LRRC37A: variants seen among roughly 807,000 people sequenced by gnomAD.
LRRC37A encodes the protein leucine rich repeat containing 37A.
LRRC37A carries 3 observed loss-of-function variants against 35.4 expected under a neutral mutation model. The ratio of observed to expected loss-of-function variants is 0.08; its 90% confidence interval spans 0.04 to 0.22. The LOEUF (loss-of-function observed/expected upper bound fraction) is 0.22. Ranked by LOEUF, LRRC37A falls within the 10% of genes least tolerant of loss-of-function variation. The pLI is 1.00. For synonymous variants in LRRC37A, 23 were observed against 215.0 expected (o/e 0.11, Z 7.81); for missense variants, 67 against 565.3 (o/e 0.12, Z 8.94).
chr17:46,286,965 C>A, the LRRC37A span, among the ~76,000 whole-genome samples: 4 of 152,244 alleles, frequency 2.6e-5, no homozygotes, highest in Admixed American at 6.5e-5. Flanking sequence ...CAATATAGAA[C>A]CTAGAAGTAT....
the LRRC37A span, among the ~76,000 whole-genome samples, chr17:46,249,240 A>G: frequency 6.6e-6 from 1 of 152,200 alleles, no homozygotes; most frequent in African/African-American, 2.4e-5. Context: ...CTAAAAATAC[A>G]CAAATTAGCC....
upstream of LRRC37A, among the ~76,000 whole-genome samples, chr17:46,287,774 T>C (rs2049958732): frequency 1.3e-5 from 2 of 152,212 alleles, no homozygotes; most frequent in Non-Finnish European, 2.9e-5. Flanking sequence ...ATCCAGAATC[T>C]GTCTACACTG....
At chr17:46,267,039 T>G in the LRRC37A span, 2 of 227,156 alleles carry the variant, frequency 8.8e-6, no homozygotes, top group Non-Finnish European at 1.6e-5. Flanking sequence ...CGCCTCAGCT[T>G]CAGATTCGGC....
In LRRC37A at chr17:46,314,848, T is replaced by A. The variant is rs1189314188; in HGVS notation, c.2907-7474T>A. Reference sequence around the variant, plus strand: ...TTTGGATACCAGGTTAATATCACCCTCATAGAATAAGTTAGGAAATGTTCT... The same window carrying A: ...TTTGGATACCAGGTTAATATCACCCACATAGAATAAGTTAGGAAATGTTCT... On this transcript the variant is annotated intron_variant, in intron 5 of 13. Coordinates refer to ENST00000320254, the Ensembl canonical transcript of LRRC37A. 2.2e-4 allele frequency among the ~76,000 whole-genome samples: 18 copies of A among 81,978 alleles called. 6 individuals are homozygous for A. The highest frequency in any genetic ancestry group is 5.0e-4 in the African/African-American group (16 of 32,266). 53.8% of individuals were successfully genotyped at this position (81,978 alleles called of 152,430 possible). A position where few individuals can be genotyped will look rare whatever the true frequency, so the allele number is the denominator to read the frequency against.
chr17:46,267,811 C>T, the LRRC37A span, among the ~76,000 whole-genome samples: 1 of 151,168 alleles, frequency 6.6e-6, no homozygotes, highest in Non-Finnish European at 1.5e-5. Flanking sequence ...CCAGAAGGGA[C>T]TGTACAGAAC....
chr17:46,317,149 GGCC>G (rs1567871457), intron 5 of LRRC37A, among the ~76,000 whole-genome samples: 5 of 89,164 alleles, frequency 5.6e-5, no homozygotes, highest in East Asian at 2.3e-4. Context: ...ATGGGGTGGC[GGCC>G]GGGCAGAGGC....
At chr17:46,282,207 A>G in the LRRC37A span, among the ~76,000 whole-genome samples, 1 of 151,882 alleles carries the variant, frequency 6.6e-6, no homozygotes, top group Non-Finnish European at 1.5e-5. Flanking sequence ...GGTTCATGCC[A>G]TTCTCCTGCC....
the LRRC37A span, among the ~76,000 whole-genome samples, chr17:46,256,016 G>T: frequency 1.3e-5 from 2 of 152,128 alleles, no homozygotes. Flanking sequence ...ACCTCCATGT[G>T]ATGGTATTAG....
the LRRC37A span, among the ~76,000 whole-genome samples, chr17:46,265,901 A>G: frequency 6.6e-6 from 1 of 152,244 alleles, no homozygotes; most frequent in Non-Finnish European, 1.5e-5. Context: ...GTTTGAGACC[A>G]GCCTGGCCAA....
At chr17:46,286,548 A>G in the LRRC37A span, among the ~76,000 whole-genome samples, 1 of 152,266 alleles carries the variant, frequency 6.6e-6, no homozygotes, top group Non-Finnish European at 1.5e-5. Context: ...TATGTTACAT[A>G]TTGAAGAATC....
the LRRC37A span, among the ~76,000 whole-genome samples, chr17:46,268,348 T>G: frequency 6.6e-6 from 1 of 152,252 alleles, no homozygotes; most frequent in Non-Finnish European, 1.5e-5. Context: ...TAAAGGTCGC[T>G]AGACTGTTTC....
the LRRC37A span, among the ~76,000 whole-genome samples, chr17:46,273,982 T>G: frequency 6.6e-6 from 1 of 152,266 alleles, no homozygotes; most frequent in Non-Finnish European, 1.5e-5. Flanking sequence ...TTCGTTAGTA[T>G]GATCAACTGA....
the LRRC37A span, among the ~76,000 whole-genome samples, chr17:46,250,123 G>T: frequency 6.6e-6 from 1 of 152,304 alleles, no homozygotes; most frequent in East Asian, 1.9e-4. Flanking sequence ...GTAGAGACTG[G>T]TTTTGCCATG....
chr17:46,255,247 G>A, the LRRC37A span, among the ~76,000 whole-genome samples: 1,106 of 152,200 alleles, frequency 7.3e-3, 15 homozygotes, highest in African/African-American at 0.025. Flanking sequence ...TGGATTACAA[G>A]CATGAGCCAC....
At chr17:46,269,830 T>TTTTTG in the LRRC37A span, among the ~76,000 whole-genome samples, 7 of 152,224 alleles carry the variant, frequency 4.6e-5, no homozygotes, top group African/African-American at 7.2e-5. Flanking sequence ...CACCTGTTTA[T>TTTTTG]TTTTGTTTTG....
At chr17:46,255,401 T>C in the LRRC37A span, among the ~76,000 whole-genome samples, 1 of 149,944 alleles carries the variant, frequency 6.7e-6, no homozygotes, top group Non-Finnish European at 1.5e-5. Flanking sequence ...GTTTTGCTCT[T>C]GTTGCCCAGG....
exon 9 of LRRC37A, chr17:46,331,142 G>T: frequency 1.4e-6 from 1 of 731,424 alleles, no homozygotes; most frequent in East Asian, 2.6e-5. Flanking sequence ...AAAGGCTAGA[G>T]TTACAAATAC....
At chr17:46,265,661 A>G in the LRRC37A span, among the ~76,000 whole-genome samples, 1 of 151,976 alleles carries the variant, frequency 6.6e-6, no homozygotes, top group Admixed American at 6.6e-5. Context: ...TATTTTTTGT[A>G]GAGACAGGGT....
At chr17:46,250,829 T>C in the LRRC37A span, among the ~76,000 whole-genome samples, 5 of 152,238 alleles carry the variant, frequency 3.3e-5, no homozygotes, top group African/African-American at 9.6e-5. Context: ...CAGAGTCTTC[T>C]TCTTCTCCTT....
Sources: gnomAD v4.1 joint callset for allele counts (sites outside exome capture counted in the v4.1 genomes callset) on GRCh38, gnomAD v4.1.1 for gene constraint, MANE v1.5 for transcripts, NCBI Gene and HGNC (gene_info 2026-07-23, HGNC 2026-07-21) for gene names.